SLC50A1: variants seen among roughly 807,000 people sequenced by gnomAD.
SLC50A1 encodes the protein solute carrier family 50 member 1.
A neutral mutation model predicts 28.9 loss-of-function variants in SLC50A1; 22 were observed. The observed-to-expected ratio is 0.76, with a 90% CI of 0.54 to 1.09. The LOEUF (loss-of-function observed/expected upper bound fraction) is 1.09. Ranked by LOEUF, SLC50A1 falls within the 50% of genes least tolerant of loss-of-function variation. SLC50A1 has a pLI of 0.00. For missense variants in SLC50A1, 233 were observed against 273.4 expected (o/e 0.85, Z 1.04); for synonymous variants, 96 against 110.6 (o/e 0.87, Z 0.83).
chr1:155,136,172 G>A (rs2102479645), intron 1 of SLC50A1, 127 bp from the exon 2 acceptor site: 2 of 575,922 alleles, frequency 3.5e-6, no homozygotes, highest in East Asian at 1.0e-4. Context: ...AGGCAGGATA[G>A]CTGGCGGGGG....
intron 3 of SLC50A1, 108 bp downstream of exon 3, chr1:155,137,059 AG>A: frequency 6.9e-7 from 1 of 1,444,992 alleles, no homozygotes; most frequent in Non-Finnish European, 9.5e-7. Flanking sequence ...CACCTTTTCC[AG>A]GAAGGCCTCT....
upstream of SLC50A1, chr1:155,135,717 A>C: frequency 1.3e-6 from 2 of 1,549,258 alleles, no homozygotes; most frequent in African/African-American, 1.4e-5. Flanking sequence ...CTCGGAGGAG[A>C]GGGGCGCGAG....
chr1:155,136,266 A>AC, intron 1 of SLC50A1, 33 bp from the exon 2 acceptor site: 2 of 1,203,954 alleles, frequency 1.7e-6, no homozygotes, highest in Non-Finnish European at 1.2e-6. Flanking sequence ...CTCCCTTCCC[A>AC]CCCCCACCCC....
Position 155,135,898 on chromosome 1 carries a change from C to T in SLC50A1, c.-14C>T, listed in dbSNP as rs201598745. 5.5e-3 allele frequency: 8,873 copies of T among 1,612,868 alleles called. 33 individuals carry two copies. Among genetic ancestry groups the T allele is most frequent in the Non-Finnish European group, 6.8e-3 (8,037 of 1,179,632 alleles). On this transcript the variant is annotated 5_prime_UTR_variant, in exon 1 of 6. Transcript: ENST00000368404. ...CGCGGCGGGCGCTGGGCGCGGGATC[C>T]GACTCTAGTCGTAATGGAGGCGGGC...
At chr1:155,135,785 C>A, upstream of SLC50A1, 1 of 1,553,190 alleles carries the variant, frequency 6.4e-7, no homozygotes, top group Non-Finnish European at 8.7e-7. Flanking sequence ...GAGGGACGGC[C>A]CGAGCGTGCG....
chr1:155,138,415 G>A lies in SLC50A1; in HGVS notation c.*134G>A, dbSNP rs892622007. 4.0e-6 allele frequency: 3 copies of A among 750,204 alleles called. No individual in the cohort carries two copies. Among genetic ancestry groups the A allele is most frequent in the Admixed American group, 2.8e-5 (1 of 35,892 alleles). 46.5% of individuals were successfully genotyped at this position (750,204 alleles called of 1,614,324 possible). A position where few individuals can be genotyped will look rare whatever the true frequency, so the allele number is the denominator to read the frequency against. ...ACAAGAGATGACTTTGAGGATAAAA[G>A]GACCAAAGAAAAAGCTTTACTTAGA... On this transcript the variant is annotated 3_prime_UTR_variant, in exon 6 of 6. Transcript: ENST00000368404.
chr1:155,137,946 T>C, intron 4 of SLC50A1, 33 bp from the exon 5 acceptor site: 1 of 1,614,032 alleles, frequency 6.2e-7, no homozygotes, highest in Non-Finnish European at 8.5e-7. Flanking sequence ...ACGATGTGCT[T>C]GGGCCAAGAG....
intron 3 of SLC50A1, 84 bp downstream of exon 3, chr1:155,137,035 A>C: frequency 6.5e-7 from 1 of 1,546,258 alleles, no homozygotes; most frequent in Non-Finnish European, 8.8e-7. Flanking sequence ...GAAGACTGTA[A>C]CAGCTGGCAC....
At position 155,136,229 on chromosome 1, in the gene SLC50A1, T is replaced by C. The variant is rs561949987; in HGVS notation, c.81-70T>C. On this transcript the variant is annotated intron_variant, in intron 1 of 5. Coordinates refer to ENST00000368404, the MANE Select transcript of SLC50A1 (RefSeq NM_018845.4). ...GTGGTCCGGAAAGGATGACAGGCAT[T>C]GGGCATCCCCCTCTAGCACTCTGCT... 1.2e-4 allele frequency: 136 copies of C among 1,147,388 alleles called. No homozygotes were observed. In the African/African-American group the frequency reaches 1.9e-3, roughly 16 times the overall value. The allele number at this position is 1,147,388 out of a possible 1,614,324, so 71.1% of individuals were successfully genotyped here.
At chr1:155,135,480 G>A, upstream of SLC50A1, 1 of 1,116,794 alleles carries the variant, frequency 9.0e-7, no homozygotes, top group Non-Finnish European at 1.2e-6. Flanking sequence ...GCTCTGGATG[G>A]AAAGCGTGCT....
chr1:155,135,540 G>A, upstream of SLC50A1: 3 of 1,491,970 alleles, frequency 2.0e-6, no homozygotes, highest in South Asian at 2.5e-5. Flanking sequence ...ACCGCCGAAG[G>A]CGCACAGGCC....
intron 4 of SLC50A1, 116 bp downstream of exon 4, chr1:155,137,838 G>A: frequency 1.3e-6 from 2 of 1,578,124 alleles, no homozygotes; most frequent in Non-Finnish European, 1.7e-6. Flanking sequence ...AGACAAGGCA[G>A]TAGAAGTGGG....
intron 3 of SLC50A1, among the ~76,000 whole-genome samples, chr1:155,137,299 A>G (rs1408228472): frequency 6.6e-6 from 1 of 152,222 alleles, no homozygotes; most frequent in Non-Finnish European, 1.5e-5. Context: ...GCTAAATCAC[A>G]CAAGCATTTA....
rs190705396 is a variant in SLC50A1, at chr1:155,136,771, T to C, written c.159-57T>C. On this transcript the variant is annotated intron_variant, in intron 2 of 5. Transcript: ENST00000368404. ...AAAAAAAAAAGAGTGAAAGACCCTT[T>C]GGGTCCTCCTCTCACACTGAACCCT... 1,203 of 1,603,682 alleles carry C rather than the reference T, an allele frequency of 7.5e-4. 9 individuals are homozygous for C. In the African/African-American group the frequency reaches 0.015, roughly 20 times the overall value.
Sources: allele counts gnomAD v4.1 joint callset (sites outside exome capture counted in the v4.1 genomes callset), GRCh38; gene constraint gnomAD v4.1.1; transcripts MANE v1.5; gene names NCBI Gene and HGNC (gene_info 2026-07-23, HGNC 2026-07-21).